PDE4D: variants seen among roughly 807,000 people sequenced by gnomAD.
The protein encoded by PDE4D is 3',5'-cyclic-AMP phosphodiesterase 4D.
In PDE4D, 24 loss-of-function variants were observed where a neutral mutation model predicts 87.4. That is an observed-to-expected ratio of 0.27 (90% CI 0.20 to 0.39). The LOEUF is 0.39. Ranked by LOEUF, PDE4D falls within the 10% of genes least tolerant of loss-of-function variation. The probability of loss-of-function intolerance (pLI) is 1.00; values close to 1 mark genes in which losing one functional copy is unlikely to be tolerated. For synonymous variants in PDE4D, 384 were observed against 383.2 expected, an observed-to-expected ratio of 1.00 and a Z score of -0.02; for missense variants, 714 against 1,041.0, an observed-to-expected ratio of 0.69 and a Z score of 4.32.
chr5:60,272,668 G>T (rs980291267), intron 1 of PDE4D, among the ~76,000 whole-genome samples: 17 of 152,242 alleles, frequency 1.1e-4, no homozygotes, highest in African/African-American at 4.1e-4. Context: ...ACGTGGAATT[G>T]TATCAGTTAG....
intron 1 of PDE4D, among the ~76,000 whole-genome samples, chr5:59,671,589 C>T (rs1225452011): frequency 6.6e-6 from 1 of 152,080 alleles, no homozygotes; most frequent in Non-Finnish European, 1.5e-5. Context: ...AGAAGGACTA[C>T]TTGAGCCCAA....
At chr5:59,778,689 A>C (rs1451575316) in intron 1 of PDE4D, among the ~76,000 whole-genome samples, 1 of 152,196 alleles carries the variant, frequency 6.6e-6, no homozygotes, top group Non-Finnish European at 1.5e-5. Context: ...CTTGTACTTT[A>C]AATGCTGGGA....
chr5:59,617,405 C>G (rs1829833435), intron 1 of PDE4D, among the ~76,000 whole-genome samples: 2 of 152,062 alleles, frequency 1.3e-5, no homozygotes, highest in South Asian at 4.2e-4. Context: ...ACGAATAAAC[C>G]CAAGTCCAAC....
At chr5:59,947,880 G>A (rs1421884127) in intron 3 of PDE4D, among the ~76,000 whole-genome samples, 12 of 152,086 alleles carry the variant, frequency 7.9e-5, no homozygotes, top group Non-Finnish European at 1.5e-5. Context: ...GGTGGTGCAC[G>A]CCTATAATCC....
intron 1 of PDE4D, among the ~76,000 whole-genome samples, chr5:59,726,262 A>G (rs1211995855): frequency 2.0e-5 from 3 of 152,140 alleles, no homozygotes; most frequent in Admixed American, 2.0e-4. Flanking sequence ...TTTTTGTCCA[A>G]CTTCTACATA....
chr5:60,383,496 A>G (rs2150010806), intron 1 of PDE4D, among the ~76,000 whole-genome samples: 1 of 152,312 alleles, frequency 6.6e-6, no homozygotes, highest in Non-Finnish European at 1.5e-5. Flanking sequence ...TAAATCAGCT[A>G]CTTCCAAGCA....
intron 1 of PDE4D, among the ~76,000 whole-genome samples, chr5:59,882,109 T>C (rs567835136): frequency 1.1e-4 from 17 of 152,340 alleles, no homozygotes; most frequent in African/African-American, 3.8e-4. Flanking sequence ...TGAGTTAATA[T>C]AAGTATGGGT....
chr5:59,686,224 C>T (rs1203692081), intron 1 of PDE4D, among the ~76,000 whole-genome samples: 9 of 152,148 alleles, frequency 5.9e-5, no homozygotes, highest in Non-Finnish European at 1.3e-4. Context: ...GCAAATTTAA[C>T]ATCTATTGAG....
At chr5:58,994,753 TTTTAACTCCGCA>T (rs1273190917) in intron 6 of PDE4D, among the ~76,000 whole-genome samples, 1 of 152,166 alleles carries the variant, frequency 6.6e-6, no homozygotes. Context: ...CTAGATTAAG[TTTTAACTCCGCA>T]TTTAACTGTT....
intron 1 of PDE4D, among the ~76,000 whole-genome samples, chr5:60,308,134 T>C (rs1053478252): frequency 1.3e-5 from 2 of 152,214 alleles, no homozygotes; most frequent in Non-Finnish European, 2.9e-5. Flanking sequence ...TTCTATTCTA[T>C]TTATACAGAA....
intron 1 of PDE4D, among the ~76,000 whole-genome samples, chr5:59,549,168 C>T (rs904000375): frequency 3.3e-5 from 5 of 152,128 alleles, no homozygotes; most frequent in East Asian, 1.9e-4. Context: ...AAGTTCATGA[C>T]GTCTGCCAGG....
chr5:59,831,518 T>C (rs1345569642), intron 1 of PDE4D, among the ~76,000 whole-genome samples: 1 of 152,074 alleles, frequency 6.6e-6, no homozygotes, highest in Non-Finnish European at 1.5e-5. Context: ...CTGTCTCCTG[T>C]AATCACTGCA....
intron 1 of PDE4D, among the ~76,000 whole-genome samples, chr5:60,381,349 G>A (rs556354094): frequency 6.6e-6 from 1 of 152,232 alleles, no homozygotes; most frequent in East Asian, 1.9e-4. Flanking sequence ...CAATTCTACT[G>A]GAAAAAAACT....
chr5:59,988,943 T>C (rs1301867017), intron 2 of PDE4D, among the ~76,000 whole-genome samples: 1 of 151,986 alleles, frequency 6.6e-6, no homozygotes, highest in Non-Finnish European at 1.5e-5. Flanking sequence ...GTTAAAACAG[T>C]TAACTAACAT....
At chr5:59,127,750 T>A (rs1485307446) in intron 5 of PDE4D, among the ~76,000 whole-genome samples, 2 of 151,990 alleles carry the variant, frequency 1.3e-5, no homozygotes, top group Non-Finnish European at 1.5e-5. Context: ...ATTCTTATCA[T>A]GCCTAGTGCG....
chr5:59,285,349 T>C (rs1241539858), intron 1 of PDE4D, among the ~76,000 whole-genome samples: 3 of 152,144 alleles, frequency 2.0e-5, no homozygotes, highest in Admixed American at 1.3e-4. Context: ...ATAAGCCCTT[T>C]ACAGATTTTC....
chr5:59,023,953 A>C (rs1580359149), intron 6 of PDE4D, among the ~76,000 whole-genome samples: 1 of 140,000 alleles, frequency 7.1e-6, no homozygotes, highest in African/African-American at 2.7e-5. Context: ...CCCAGACTGG[A>C]GTGCAGTGGC....
chr5:60,120,359 G>T (rs1236937421), intron 2 of PDE4D, among the ~76,000 whole-genome samples: 3 of 152,148 alleles, frequency 2.0e-5, no homozygotes, highest in Non-Finnish European at 4.4e-5. Context: ...TGCTTACCAT[G>T]TGCTCAAAGT....
intron 2 of PDE4D, among the ~76,000 whole-genome samples, chr5:60,100,701 C>G (rs77332313): frequency 6.6e-6 from 1 of 152,068 alleles, no homozygotes; most frequent in East Asian, 1.9e-4. Context: ...TAAATTGCAA[C>G]TAAATTATTG....
Sources: gnomAD v4.1 joint callset for allele counts (sites outside exome capture counted in the v4.1 genomes callset) on GRCh38, gnomAD v4.1.1 for gene constraint, MANE v1.5 for transcripts, NCBI Gene and HGNC (gene_info 2026-07-23, HGNC 2026-07-21) for gene names.